CCDC47: variants seen among roughly 807,000 people sequenced by gnomAD.
CCDC47 encodes the protein coiled-coil domain containing 47.
A neutral mutation model predicts 60.5 loss-of-function variants in CCDC47; 41 were observed. The ratio of observed to expected loss-of-function variants is 0.68; its 90% CI spans 0.53 to 0.88. CCDC47 has a LOEUF of 0.88. CCDC47 is among the 40% of genes least tolerant of loss of function. The pLI is 0.00. For synonymous variants in CCDC47, 195 were observed against 190.7 expected, an observed-to-expected ratio of 1.02 and a Z score of -0.18; for missense variants, 513 against 580.9, an observed-to-expected ratio of 0.88 and a Z score of 1.20.
chr17:63,763,711 C>G (rs1382474208), intron 4 of CCDC47, among the ~76,000 whole-genome samples: 1 of 148,134 alleles, frequency 6.8e-6, no homozygotes, highest in Admixed American at 6.7e-5. Context: ...GTAGTCCCAG[C>G]TACTTGGGAG....
intron 9 of CCDC47, among the ~76,000 whole-genome samples, chr17:63,754,088 A>G (rs548176174): frequency 6.6e-6 from 1 of 152,330 alleles, no homozygotes; most frequent in Admixed American, 6.5e-5. Context: ...CCTAGGCAAC[A>G]GAGTGAGACA....
intron 12 of CCDC47, among the ~76,000 whole-genome samples, chr17:63,750,213 C>T (rs2039152698): frequency 6.6e-6 from 1 of 152,164 alleles, no homozygotes; most frequent in South Asian, 2.1e-4. Flanking sequence ...AAATGTAGAA[C>T]TTCCTTTTAT....
chr17:63,757,328 G>A (rs146474362), intron 6 of CCDC47, among the ~76,000 whole-genome samples: 77 of 149,938 alleles, frequency 5.1e-4, no homozygotes, highest in African/African-American at 1.9e-3. Flanking sequence ...AGTGATGATC[G>A]TGCACTCCAT....
intron 6 of CCDC47, among the ~76,000 whole-genome samples, chr17:63,759,547 AT>A (rs2039238307): frequency 1.9e-5 from 1 of 53,964 alleles, no homozygotes; most frequent in African/African-American, 7.1e-5. Context: ...ATATATATAT[AT>A]ATATATATAT....
At position 63,766,852 on chromosome 17, in the gene CCDC47, A is replaced by C. The variant is rs185410337; in HGVS notation, c.-19-658T>G. On this transcript the variant is annotated intron_variant, in intron 1 of 12. Coordinates refer to ENST00000225726, the MANE Select transcript of CCDC47 (RefSeq NM_020198.3). ...GAAAATGAGAAGGAGGTAAAAATGAAGGAATAAGATGTAGCTATTTATCTG... is the reference window on the plus strand; with the variant it reads ...GAAAATGAGAAGGAGGTAAAAATGACGGAATAAGATGTAGCTATTTATCTG... 7.1e-6 allele frequency: 7 copies of C among 981,078 alleles called. No individual in the cohort carries two copies. The African/African-American group carries it at 1.2e-4, about 17-fold the overall frequency. 60.8% of individuals were successfully genotyped at this position (981,078 alleles called of 1,614,324 possible).
chr17:63,750,164 C>T (rs2039152387), intron 12 of CCDC47, among the ~76,000 whole-genome samples: 1 of 152,122 alleles, frequency 6.6e-6, no homozygotes, highest in South Asian at 2.1e-4. Flanking sequence ...TTCAGGCCCC[C>T]TCTTCCTTTA....
At chr17:63,770,121 G>A (rs1400986539) in intron 1 of CCDC47, among the ~76,000 whole-genome samples, 1 of 151,790 alleles carries the variant, frequency 6.6e-6, no homozygotes, top group African/African-American at 2.4e-5. Flanking sequence ...CATCATGCCT[G>A]GCTAATTTTT....
intron 6 of CCDC47, 72 bp from the exon 7 acceptor site, chr17:63,756,642 C>T: frequency 9.9e-7 from 1 of 1,014,536 alleles, no homozygotes; most frequent in Non-Finnish European, 1.5e-6. Flanking sequence ...CTAAATGACC[C>T]TTAAGATTCC....
rs143213925 is a variant in CCDC47, at chr17:63,761,285, T to C, written c.614A>G (p.Tyr205Cys). The C allele has an allele frequency of 6.8e-6, 11 of 1,613,936 alleles. No homozygotes were observed. Among genetic ancestry groups the C allele is most frequent in the East Asian group, 2.2e-5 (1 of 44,894 alleles). The stretch of plus-strand genomic sequence containing the variant: ...CACTCGACCAGAACACCACAGGTTA[T>C]AGATGTGCTCATTCTCCTGGTTCAA... ...GKLNQENEHI[Y>C]NLWCSGRVCC... is the part of the protein sequence containing the mutation. Residue 205 changes from tyrosine (Y) to cysteine (C), a missense_variant, in exon 5 of 13, where the codon TAT (tyrosine) becomes TGT (cysteine). Coordinates refer to ENST00000225726, the MANE Select transcript of CCDC47 (RefSeq NM_020198.3).
At position 63,752,777 on chromosome 17, in the gene CCDC47, G is replaced by A. The variant is rs2039177140; in HGVS notation, c.1057C>T (p.Pro353Ser). 6.2e-7 allele frequency: 1 copy of A among 1,611,986 alleles called. No individual in the cohort carries two copies. The stretch of plus-strand genomic sequence containing the variant: ...AACAACAGTGTCCTCTTAGTGTCAG[G>A]TAGCTTTAAAGGCTGACCTTCCCTG... ...MQEEGQPLKL[P>S]DTKRTLLFTF... The change falls in exon 10 of 13, where the codon CCT becomes TCT. Residue 353 changes from proline to serine, a missense_variant. By Grantham distance (74) the Pro-to-Ser change is moderately conservative (BLOSUM62 -1). Coordinates refer to ENST00000225726, the MANE Select transcript of CCDC47 (RefSeq NM_020198.3).
At position 63,771,009 on chromosome 17, in the gene CCDC47, A is replaced by G. The variant is rs368069238; in HGVS notation, c.-20+2403T>C. 2.6e-4 allele frequency among the ~76,000 whole-genome samples: 18 copies of G among 69,176 alleles called. 1 individual carries two copies. Among genetic ancestry groups the G allele is most frequent in the African/African-American group, 1.0e-3 (18 of 17,796 alleles). The allele number at this position is 69,176 out of a possible 152,430, so 45.4% of individuals were successfully genotyped here. On this transcript the variant is annotated intron_variant, in intron 1 of 12. Coordinates refer to ENST00000225726, the MANE Select transcript of CCDC47 (RefSeq NM_020198.3). Reference sequence around the variant, plus strand: ...TCAAAAAAAAAAAAAAGAAAGAAAGAAAGAAAGGAAGGAAGGAAGGAAGGA... The same window carrying G: ...TCAAAAAAAAAAAAAAGAAAGAAAGGAAGAAAGGAAGGAAGGAAGGAAGGA...
chr17:63,758,148 C>A (rs2039221748), intron 6 of CCDC47, among the ~76,000 whole-genome samples: 1 of 152,146 alleles, frequency 6.6e-6, no homozygotes, highest in Non-Finnish European at 1.5e-5. Flanking sequence ...AGTTTTATCC[C>A]TTATAATAAA....
intron 3 of CCDC47, 130 bp from the exon 4 acceptor site, chr17:63,764,320 T>C: frequency 1.5e-6 from 1 of 681,632 alleles, no homozygotes; most frequent in Non-Finnish European, 2.4e-6. Flanking sequence ...AATAAGGTTA[T>C]ACTTTGAAAA....
chr17:63,763,591 C>T (rs903319564), intron 4 of CCDC47, among the ~76,000 whole-genome samples: 1 of 151,814 alleles, frequency 6.6e-6, no homozygotes, highest in Non-Finnish European at 1.5e-5. Flanking sequence ...TCTGGGAGGC[C>T]GAGGTGGGTG....
At chr17:63,749,443 C>T (rs536306089) in intron 12 of CCDC47, among the ~76,000 whole-genome samples, 1 of 136,704 alleles carries the variant, frequency 7.3e-6, no homozygotes, top group Non-Finnish European at 1.5e-5. Flanking sequence ...TTCCCCACTA[C>T]CAGAATAAGG....
At chr17:63,754,229 T>C (rs1247563850) in intron 9 of CCDC47, among the ~76,000 whole-genome samples, 2 of 152,078 alleles carry the variant, frequency 1.3e-5, no homozygotes, top group African/African-American at 4.8e-5. Flanking sequence ...ACATACAAAC[T>C]GGGATAGGGG....
intron 1 of CCDC47, among the ~76,000 whole-genome samples, chr17:63,772,500 G>A (rs2039354296): frequency 6.6e-6 from 1 of 151,980 alleles, no homozygotes; most frequent in Non-Finnish European, 1.5e-5. Flanking sequence ...TGATCCACCC[G>A]TCTCGGCCTC....
At chr17:63,766,822 C>T (rs901361370) in intron 1 of CCDC47, 33 of 978,118 alleles carry the variant, frequency 3.4e-5, no homozygotes, top group Admixed American at 1.2e-4. Context: ...AAAAAGCTTT[C>T]TATAGAAAAT....
intron 4 of CCDC47, 78 bp downstream of exon 4, chr17:63,763,938 G>T: frequency 8.6e-7 from 1 of 1,162,692 alleles, no homozygotes; most frequent in Non-Finnish European, 1.2e-6. Flanking sequence ...GCAGTTAGAT[G>T]CTTATACTGA....
Sources: allele counts gnomAD v4.1 joint callset (sites outside exome capture counted in the v4.1 genomes callset), GRCh38; gene constraint gnomAD v4.1.1; transcripts MANE v1.5; gene names NCBI Gene and HGNC (gene_info 2026-07-23, HGNC 2026-07-21).